Variants in KCNH7 observed in about 807,000 individuals in gnomAD.
KCNH7 encodes the protein voltage-gated inwardly rectifying potassium channel KCNH7.
A neutral mutation model predicts 120.8 loss-of-function variants in KCNH7; 49 were observed. The observed-to-expected ratio is 0.41, with a 90% confidence interval of 0.32 to 0.51. The LOEUF is 0.51. KCNH7 is among the 20% of genes least tolerant of loss of function. The probability of loss-of-function intolerance (pLI) is 0.38; values close to 1 mark genes in which losing one functional copy is unlikely to be tolerated. For synonymous variants in KCNH7, 547 were observed against 516.1 expected, an observed-to-expected ratio of 1.06 and a Z score of -0.81; for missense variants, 1,097 against 1,446.6, an observed-to-expected ratio of 0.76 and a Z score of 3.92.
intron 9 of KCNH7, among the ~76,000 whole-genome samples, chr2:162,415,189 CAA>C (rs1687504085): frequency 6.6e-6 from 1 of 151,656 alleles, no homozygotes; most frequent in South Asian, 2.1e-4. Context: ...AAAACAAAAC[CAA>C]AAAACCTTTG....
At chr2:162,751,920 CA>C (rs1688565131) in intron 2 of KCNH7, among the ~76,000 whole-genome samples, 1 of 151,696 alleles carries the variant, frequency 6.6e-6, no homozygotes, top group Admixed American at 6.6e-5. Context: ...AATTTTCCAG[CA>C]GAAAGAAAAA....
At chr2:162,417,008 T>C (rs1687561085) in intron 9 of KCNH7, among the ~76,000 whole-genome samples, 1 of 152,156 alleles carries the variant, frequency 6.6e-6, no homozygotes, top group Non-Finnish European at 1.5e-5. Context: ...TATTGCTGCT[T>C]TAAGGCTATA....
At chr2:162,533,187 C>A (rs1437585454) in intron 3 of KCNH7, among the ~76,000 whole-genome samples, 3 of 151,380 alleles carry the variant, frequency 2.0e-5, no homozygotes, top group East Asian at 3.9e-4. Flanking sequence ...ACCAAAAAAA[C>A]CCCGAAACCA....
At chr2:162,646,398 G>A (rs1684360275) in intron 2 of KCNH7, among the ~76,000 whole-genome samples, 1 of 152,040 alleles carries the variant, frequency 6.6e-6, no homozygotes, top group African/African-American at 2.4e-5. Flanking sequence ...TTCTCCATTT[G>A]TTTCCACTCC....
intron 2 of KCNH7, among the ~76,000 whole-genome samples, chr2:162,571,333 T>A (rs1174735783): frequency 2.6e-5 from 4 of 152,058 alleles, no homozygotes; most frequent in Non-Finnish European, 4.4e-5. Context: ...GAATCCAACT[T>A]ACAAGGGATG....
chr2:162,374,817 T>C (rs1686104192), intron 14 of KCNH7, among the ~76,000 whole-genome samples: 1 of 152,188 alleles, frequency 6.6e-6, no homozygotes, highest in Non-Finnish European at 1.5e-5. Flanking sequence ...TATAGCCATA[T>C]AGCTTTGTGT....
Position 162,400,438 on chromosome 2 carries a change from G to A in KCNH7, c.2158C>T (p.Leu720=), listed in dbSNP as rs1687035610. The A allele has an allele frequency of 6.2e-7, 1 of 1,611,062 alleles. No individual in the cohort carries two copies. Among genetic ancestry groups the A allele is most frequent in the Admixed American group, 1.7e-5 (1 of 59,678 alleles). The change falls in exon 10 of 16, where the codon CTA becomes TTA. Residue 720 remains leucine (L), a synonymous_variant. Coordinates refer to ENST00000332142, the MANE Select transcript of KCNH7 (RefSeq NM_033272.4). The part of the protein sequence containing the change: ...YTNGIDMNMV[L]KGFPECLQAD... ...TGTAAGCATTCTGGGAAACCCTTTA[G>A]GACCTGAGGAAAAAAAGAAAGAGTT...
intron 2 of KCNH7, among the ~76,000 whole-genome samples, chr2:162,631,717 A>T (rs1683774170): frequency 6.6e-6 from 1 of 152,114 alleles, no homozygotes; most frequent in Admixed American, 6.6e-5. Context: ...AAACAACACC[A>T]GATGATAATG....
At chr2:162,705,690 C>T (rs1350139324) in intron 2 of KCNH7, among the ~76,000 whole-genome samples, 1 of 152,034 alleles carries the variant, frequency 6.6e-6, no homozygotes, top group African/African-American at 2.4e-5. Flanking sequence ...TGGCAAGACC[C>T]AACTCAAGCA....
chr2:162,673,321 T>A (rs1250307947), intron 2 of KCNH7, among the ~76,000 whole-genome samples: 2 of 152,210 alleles, frequency 1.3e-5, no homozygotes, highest in Non-Finnish European at 2.9e-5. Context: ...AAATCATATC[T>A]AGCAATGTAT....
intron 14 of KCNH7, among the ~76,000 whole-genome samples, chr2:162,379,044 T>C (rs946039183): frequency 6.6e-6 from 1 of 152,232 alleles, no homozygotes; most frequent in Admixed American, 6.5e-5. Context: ...AATTGCCCCA[T>C]ATGGTTTCCC....
intron 2 of KCNH7, among the ~76,000 whole-genome samples, chr2:162,610,463 G>A (rs563806190): frequency 2.0e-5 from 3 of 152,278 alleles, no homozygotes; most frequent in Admixed American, 1.3e-4. Context: ...TTCTGCCATT[G>A]AGCCAGAAAA....
chr2:162,728,730 A>AT (rs1193581626), intron 2 of KCNH7, among the ~76,000 whole-genome samples: 2 of 152,158 alleles, frequency 1.3e-5, no homozygotes, highest in African/African-American at 4.8e-5. Context: ...GTGAGCCAAG[A>AT]TTGCGCCATT....
chr2:162,528,502 G>A (rs73022663), intron 3 of KCNH7: 12,076 of 151,968 alleles, frequency 0.079, 515 homozygotes, highest in East Asian at 0.12. Flanking sequence ...CATTTTAGTA[G>A]AGGGGACACC....
intron 1 of KCNH7, among the ~76,000 whole-genome samples, 174 bp from the exon 2 acceptor site, chr2:162,836,941 G>A (rs1460592432): frequency 6.6e-6 from 1 of 152,116 alleles, no homozygotes; most frequent in Non-Finnish European, 1.5e-5. Context: ...AACTTTAAAT[G>A]TGAGATTAAT....
intron 2 of KCNH7, among the ~76,000 whole-genome samples, chr2:162,647,986 G>A (rs1684427356): frequency 6.6e-6 from 1 of 152,134 alleles, no homozygotes; most frequent in African/African-American, 2.4e-5. Context: ...TATAGGATCT[G>A]GAGTCAAATT....
intron 2 of KCNH7, among the ~76,000 whole-genome samples, chr2:162,830,127 G>A (rs1158704633): frequency 1.3e-5 from 2 of 152,126 alleles, no homozygotes; most frequent in African/African-American, 4.8e-5. Flanking sequence ...CATCAGGAAG[G>A]ATTTCACAGA....
intron 2 of KCNH7, among the ~76,000 whole-genome samples, chr2:162,554,361 C>A (rs563184363): frequency 2.8e-4 from 43 of 152,048 alleles, no homozygotes; most frequent in African/African-American, 8.9e-4. Context: ...TCCATCATAG[C>A]CTTTTTTTTT....
intron 2 of KCNH7, among the ~76,000 whole-genome samples, chr2:162,755,714 A>T (rs959099537): frequency 2.6e-5 from 4 of 152,208 alleles, no homozygotes. Context: ...AGACATATTT[A>T]GACAGATACT....
Sources: gnomAD v4.1 joint callset for allele counts (sites outside exome capture counted in the v4.1 genomes callset) on GRCh38, gnomAD v4.1.1 for gene constraint, MANE v1.5 for transcripts, NCBI Gene and HGNC (gene_info 2026-07-23, HGNC 2026-07-21) for gene names.